Variants in LINGO2 observed in about 807,000 individuals in gnomAD.
LINGO2 encodes the protein leucine rich repeat and Ig domain containing 2.
LINGO2 carries 14 observed loss-of-function variants against 30.6 expected under a neutral mutation model. The ratio of observed to expected loss-of-function variants is 0.46; its 90% confidence interval spans 0.30 to 0.72. The LOEUF (loss-of-function observed/expected upper bound fraction) is 0.72, where lower values mean the gene tolerates loss of function less well. Ranked by LOEUF, LINGO2 falls within the 30% of genes least tolerant of loss-of-function variation. LINGO2 has a pLI of 0.07. For synonymous variants in LINGO2, 317 were observed against 288.5 expected (o/e 1.10, Z -1.00); for missense variants, 729 against 751.7 (o/e 0.97, Z 0.35).
chr9:29,129,618 T>G, the LINGO2 span, among the ~76,000 whole-genome samples: 1 of 152,098 alleles, frequency 6.6e-6, no homozygotes, highest in Non-Finnish European at 1.5e-5. Context: ...ATTTGAAATG[T>G]GCCAAAAAAG....
intron 1 of LINGO2, among the ~76,000 whole-genome samples, chr9:28,593,860 A>T (rs1825046747): frequency 6.6e-6 from 1 of 152,078 alleles, no homozygotes; most frequent in African/African-American, 2.4e-5. Flanking sequence ...CAAATGAAAA[A>T]GTTAACCAGC....
At chr9:28,900,227 C>T in the LINGO2 span, among the ~76,000 whole-genome samples, 17,160 of 152,124 alleles carry the variant, frequency 0.11, 959 homozygotes, top group South Asian at 0.16. Context: ...CCAGTCCCCA[C>T]GGTTCCAGGC....
intron 1 of LINGO2, among the ~76,000 whole-genome samples, chr9:28,507,647 C>T (rs768777962): frequency 5.9e-5 from 9 of 152,046 alleles, no homozygotes; most frequent in East Asian, 1.9e-4. Context: ...AATACATACA[C>T]GCCTACATAT....
intron 2 of LINGO2, among the ~76,000 whole-genome samples, chr9:28,404,203 T>C (rs1822396473): frequency 6.6e-6 from 1 of 152,160 alleles, no homozygotes; most frequent in Non-Finnish European, 1.5e-5. Context: ...TTTTTGTTTC[T>C]TTCTTTCAGC....
intron 4 of LINGO2, among the ~76,000 whole-genome samples, chr9:28,145,667 T>C (rs1827793034): frequency 6.6e-6 from 1 of 152,022 alleles, no homozygotes; most frequent in Non-Finnish European, 1.5e-5. Flanking sequence ...CTTCTCTTCC[T>C]CCCTCCTTCT....
the LINGO2 span, among the ~76,000 whole-genome samples, chr9:28,843,648 C>T: frequency 1.6e-3 from 242 of 151,850 alleles, 1 homozygote; most frequent in Middle Eastern, 0.01. Flanking sequence ...AATTTTTGCT[C>T]AGGAAAATTT....
At chr9:28,610,865 C>A (rs1446565888) in intron 1 of LINGO2, among the ~76,000 whole-genome samples, 1 of 151,438 alleles carries the variant, frequency 6.6e-6, no homozygotes, top group African/African-American at 2.4e-5. Context: ...AACTTTTAAC[C>A]TTTTTTGTAT....
chr9:29,182,250 T>C, the LINGO2 span, among the ~76,000 whole-genome samples: 1 of 152,128 alleles, frequency 6.6e-6, no homozygotes, highest in African/African-American at 2.4e-5. Flanking sequence ...TTCAGGAACA[T>C]ATCTCTAACA....
the LINGO2 span, among the ~76,000 whole-genome samples, chr9:28,936,068 AGG>A: frequency 6.6e-6 from 1 of 152,184 alleles, no homozygotes; most frequent in Non-Finnish European, 1.5e-5. Context: ...TAAGATAGTA[AGG>A]GAAATTTATT....
At chr9:28,015,998 CAA>C (rs35234256) in intron 4 of LINGO2, among the ~76,000 whole-genome samples, 81 of 122,398 alleles carry the variant, frequency 6.6e-4, no homozygotes, top group African/African-American at 2.2e-3. Flanking sequence ...GTAAAAGGGA[CAA>C]AAAAAAAAAA....
At chr9:28,926,509 C>A in the LINGO2 span, among the ~76,000 whole-genome samples, 2 of 149,260 alleles carry the variant, frequency 1.3e-5, no homozygotes, top group Non-Finnish European at 3.0e-5. Flanking sequence ...AATCTAAAAG[C>A]AGAAATGAGG....
intron 4 of LINGO2, among the ~76,000 whole-genome samples, chr9:28,264,966 C>T (rs979934362): frequency 5.9e-5 from 9 of 151,964 alleles, no homozygotes; most frequent in African/African-American, 2.2e-4. Flanking sequence ...AATTCTGCCT[C>T]AAGGCTGCAG....
chr9:28,548,599 G>T (rs1327015260), intron 1 of LINGO2, among the ~76,000 whole-genome samples: 3 of 150,380 alleles, frequency 2.0e-5, no homozygotes, highest in Admixed American at 6.7e-5. Context: ...AGCTACTCGG[G>T]AGGCTGAGGC....
At chr9:28,877,401 G>T in the LINGO2 span, among the ~76,000 whole-genome samples, 20,497 of 151,510 alleles carry the variant, frequency 0.14, 1,963 homozygotes, top group African/African-American at 0.27. Flanking sequence ...CATTTAAGTC[G>T]TTAATCCATC....
intron 3 of LINGO2, among the ~76,000 whole-genome samples, chr9:28,334,360 C>T (rs1825520368): frequency 6.6e-6 from 1 of 152,030 alleles, no homozygotes; most frequent in South Asian, 2.1e-4. Context: ...CACTATTCAG[C>T]CAATTATTAT....
intron 1 of LINGO2, among the ~76,000 whole-genome samples, chr9:28,502,772 T>C (rs182885689): frequency 2.4e-4 from 36 of 152,264 alleles, no homozygotes; most frequent in Non-Finnish European, 4.0e-4. Context: ...GGCCACTAAA[T>C]ATAGCACTAA....
intron 1 of LINGO2, among the ~76,000 whole-genome samples, chr9:28,667,000 A>G (rs942223359): frequency 2.0e-5 from 3 of 152,192 alleles, no homozygotes; most frequent in Non-Finnish European, 2.9e-5. Flanking sequence ...AGTATTAAAT[A>G]AAATGTATAT....
chr9:29,155,562 T>G, the LINGO2 span, among the ~76,000 whole-genome samples: 1 of 151,450 alleles, frequency 6.6e-6, no homozygotes, highest in Non-Finnish European at 1.5e-5. Context: ...TTTCCTTTTT[T>G]TTTTTTTTAC....
intron 1 of LINGO2, among the ~76,000 whole-genome samples, chr9:28,496,790 C>T (rs1288925086): frequency 6.6e-6 from 1 of 152,156 alleles, no homozygotes; most frequent in East Asian, 1.9e-4. Flanking sequence ...TTTGCAGTGG[C>T]TGGTACCAGT....
Sources: allele counts gnomAD v4.1 joint callset (sites outside exome capture counted in the v4.1 genomes callset), GRCh38; gene constraint gnomAD v4.1.1; transcripts MANE v1.5; gene names NCBI Gene and HGNC (gene_info 2026-07-23, HGNC 2026-07-21).